Variants in ZMAT4 observed in about 807,000 individuals in gnomAD.
ZMAT4 encodes zinc finger matrin-type protein 4.
In ZMAT4, 17 loss-of-function variants were observed where a neutral mutation model predicts 28.7. The ratio of observed to expected loss-of-function variants is 0.59; its 90% CI spans 0.41 to 0.89. ZMAT4 has a LOEUF of 0.89. Among genes scored for constraint, ZMAT4 ranks in the 40% least tolerant of loss-of-function variants. The pLI, the probability that ZMAT4 is intolerant of heterozygous loss-of-function variation, is 0.00. For synonymous variants in ZMAT4, 117 were observed against 109.2 expected (o/e 1.07, Z -0.44); for missense variants, 240 against 283.8 (o/e 0.85, Z 1.11).
intron 3 of ZMAT4, among the ~76,000 whole-genome samples, chr8:40,702,014 G>A (rs1810171313): frequency 6.6e-6 from 1 of 152,140 alleles, no homozygotes; most frequent in Non-Finnish European, 1.5e-5. Context: ...TGGAGAGAGG[G>A]GGTTTGTTAT....
At chr8:40,855,777 G>A (rs1308369106) in intron 1 of ZMAT4, among the ~76,000 whole-genome samples, 2 of 151,840 alleles carry the variant, frequency 1.3e-5, no homozygotes, top group Admixed American at 1.3e-4. Context: ...CTGGGCTCAA[G>A]CAATCTTCTC....
At chr8:40,737,881 G>T (rs1386403861) in intron 3 of ZMAT4, among the ~76,000 whole-genome samples, 2 of 151,994 alleles carry the variant, frequency 1.3e-5, no homozygotes, top group African/African-American at 4.8e-5. Context: ...TGCATGGGAA[G>T]CACTGAGCCT....
At chr8:40,820,208 TTA>T (rs1815702211) in intron 2 of ZMAT4, among the ~76,000 whole-genome samples, 1 of 145,730 alleles carries the variant, frequency 6.9e-6, no homozygotes, top group Non-Finnish European at 1.5e-5. Context: ...ATGTGTGTGT[TTA>T]TGTGTGCATT....
intron 5 of ZMAT4, among the ~76,000 whole-genome samples, chr8:40,671,422 T>A (rs1021872239): frequency 1.3e-5 from 2 of 152,168 alleles, no homozygotes; most frequent in Admixed American, 1.3e-4. Flanking sequence ...CCAAAGTTCA[T>A]CAATGAATAG....
chr8:40,846,245 C>T (rs1395214295), intron 1 of ZMAT4, among the ~76,000 whole-genome samples: 2 of 152,206 alleles, frequency 1.3e-5, no homozygotes, highest in South Asian at 4.1e-4. Context: ...TTACATCTCT[C>T]TCTCTCCCTG....
chr8:40,595,065 A>C (rs1805042257), intron 5 of ZMAT4, among the ~76,000 whole-genome samples: 1 of 152,228 alleles, frequency 6.6e-6, no homozygotes, highest in Non-Finnish European at 1.5e-5. Flanking sequence ...CATAAACCAG[A>C]TAAAAAGAAA....
chr8:40,687,986 C>T (rs183474034), intron 4 of ZMAT4, among the ~76,000 whole-genome samples: 5 of 152,298 alleles, frequency 3.3e-5, no homozygotes, highest in Admixed American at 6.5e-5. Flanking sequence ...GGACCCTTAG[C>T]TTCCAAAGAC....
intron 2 of ZMAT4, among the ~76,000 whole-genome samples, chr8:40,768,136 G>C (rs1813239280): frequency 6.6e-6 from 1 of 152,122 alleles, no homozygotes; most frequent in South Asian, 2.1e-4. Context: ...GCCTCCTTGG[G>C]AGCCTGGTGC....
At chr8:40,883,855 G>C (rs1818362352) in intron 1 of ZMAT4, among the ~76,000 whole-genome samples, 1 of 152,104 alleles carries the variant, frequency 6.6e-6, no homozygotes, top group Non-Finnish European at 1.5e-5. Context: ...GCAGCTCCAG[G>C]CCTGTAGGAA....
chr8:40,733,043 C>T (rs901499091), intron 3 of ZMAT4, among the ~76,000 whole-genome samples: 1 of 151,776 alleles, frequency 6.6e-6, no homozygotes, highest in Admixed American at 6.6e-5. Flanking sequence ...AGAGGTCTTG[C>T]TATGTTGCCC....
At chr8:40,612,701 A>C (rs1359071360) in intron 5 of ZMAT4, among the ~76,000 whole-genome samples, 1 of 136,134 alleles carries the variant, frequency 7.3e-6, no homozygotes, top group Non-Finnish European at 1.7e-5. Context: ...CATCTGTGCT[A>C]CCTCATTCTA....
chr8:40,867,201 T>C (rs1817702937), intron 1 of ZMAT4, among the ~76,000 whole-genome samples: 1 of 152,140 alleles, frequency 6.6e-6, no homozygotes, highest in African/African-American at 2.4e-5. Context: ...ATTGGAAGAA[T>C]TGTCTTGGGG....
intron 3 of ZMAT4, among the ~76,000 whole-genome samples, chr8:40,705,019 G>C (rs1055739625): frequency 1.7e-4 from 26 of 152,138 alleles, no homozygotes; most frequent in African/African-American, 5.8e-4. Context: ...CTGCTGTTTG[G>C]ATACAAACTA....
intron 1 of ZMAT4, among the ~76,000 whole-genome samples, chr8:40,844,390 G>T (rs577737009): frequency 9.2e-5 from 14 of 152,234 alleles, no homozygotes; most frequent in African/African-American, 3.1e-4. Context: ...GGCAGAGAAG[G>T]GTGAGTTTGC....
intron 1 of ZMAT4, among the ~76,000 whole-genome samples, chr8:40,834,968 C>T (rs1425741292): frequency 6.6e-6 from 1 of 152,174 alleles, no homozygotes; most frequent in Admixed American, 6.5e-5. Flanking sequence ...CACAGCAAGC[C>T]CAAATGCACC....
At chr8:40,884,083 C>T (rs1474723133) in intron 1 of ZMAT4, among the ~76,000 whole-genome samples, 1 of 152,186 alleles carries the variant, frequency 6.6e-6, no homozygotes, top group Non-Finnish European at 1.5e-5. Context: ...TTTGTCTCCA[C>T]CACCCGCTGG....
chr8:40,874,480 A>G (rs1217462341), intron 1 of ZMAT4, among the ~76,000 whole-genome samples: 1 of 152,176 alleles, frequency 6.6e-6, no homozygotes, highest in African/African-American at 2.4e-5. Context: ...CTACTTCCCC[A>G]ATGGAATGAT....
chr8:40,846,787 G>C (rs970679448), intron 1 of ZMAT4, among the ~76,000 whole-genome samples: 1 of 152,136 alleles, frequency 6.6e-6, no homozygotes, highest in Non-Finnish European at 1.5e-5. Context: ...GCTACCGTCC[G>C]TTCCAATGTT....
At chr8:40,741,629 A>G (rs966634161) in intron 3 of ZMAT4, among the ~76,000 whole-genome samples, 13 of 152,204 alleles carry the variant, frequency 8.5e-5, no homozygotes, top group South Asian at 2.1e-4. Context: ...AGACTTTCAT[A>G]TATCGGTGCT....
Sources: gnomAD v4.1 joint callset for allele counts (sites outside exome capture counted in the v4.1 genomes callset) on GRCh38, gnomAD v4.1.1 for gene constraint, MANE v1.5 for transcripts, NCBI Gene and HGNC (gene_info 2026-07-23, HGNC 2026-07-21) for gene names.